The following ST6GALNAC3 variants were observed in gnomAD, a reference collection of about 807,000 sequenced individuals.
The protein encoded by ST6GALNAC3 is ST6 N-acetylgalactosaminide alpha-2,6-sialyltransferase 3, also known as alpha-N-acetylgalactosaminide alpha-2,6-sialyltransferase 3.
A neutral mutation model predicts 32.7 loss-of-function variants in ST6GALNAC3; 25 were observed. The observed-to-expected ratio is 0.76, with a 90% CI of 0.56 to 1.07. ST6GALNAC3 has a LOEUF of 1.07. Ranked by LOEUF, ST6GALNAC3 falls within the 50% of genes least tolerant of loss-of-function variation. The probability of loss-of-function intolerance (pLI) is 0.00; values close to 1 mark genes in which losing one functional copy is unlikely to be tolerated. For missense variants in ST6GALNAC3, 355 were observed against 382.4 expected (o/e 0.93, Z 0.60); for synonymous variants, 129 against 133.1 (o/e 0.97, Z 0.21).
intron 2 of ST6GALNAC3, among the ~76,000 whole-genome samples, chr1:76,326,836 T>C (rs907941294): frequency 1.3e-5 from 2 of 151,142 alleles, no homozygotes; most frequent in Non-Finnish European, 3.0e-5. Context: ...GTTTTTTTTT[T>C]TTTTTTTGCA....
intron 3 of ST6GALNAC3, among the ~76,000 whole-genome samples, chr1:76,605,374 G>T (rs1336399292): frequency 6.6e-6 from 1 of 152,102 alleles, no homozygotes; most frequent in Non-Finnish European, 1.5e-5. Flanking sequence ...ATAAGGGCCA[G>T]TACTGTCATA....
At chr1:76,382,123 G>A (rs192434107) in intron 2 of ST6GALNAC3, among the ~76,000 whole-genome samples, 1 of 152,238 alleles carries the variant, frequency 6.6e-6, no homozygotes, top group African/African-American at 2.4e-5. Context: ...AGTGGATCAA[G>A]ATAACCTGTG....
intron 3 of ST6GALNAC3, among the ~76,000 whole-genome samples, chr1:76,440,737 T>A (rs1368636312): frequency 6.6e-6 from 1 of 152,120 alleles, no homozygotes; most frequent in Non-Finnish European, 1.5e-5. Context: ...TGGCAATAAT[T>A]GGGCAAAGAA....
chr1:76,383,168 T>C (rs952519341), intron 2 of ST6GALNAC3, among the ~76,000 whole-genome samples: 2 of 152,116 alleles, frequency 1.3e-5, no homozygotes, highest in African/African-American at 4.8e-5. Context: ...CTATATCAAG[T>C]GAAAATATCT....
At chr1:76,499,117 C>T (rs988330633) in intron 3 of ST6GALNAC3, among the ~76,000 whole-genome samples, 1 of 152,008 alleles carries the variant, frequency 6.6e-6, no homozygotes, top group Admixed American at 6.6e-5. Context: ...TAGTCAATGA[C>T]CATGAAAAGA....
At chr1:76,229,026 C>G (rs890481649) in intron 1 of ST6GALNAC3, among the ~76,000 whole-genome samples, 1 of 152,072 alleles carries the variant, frequency 6.6e-6, no homozygotes, top group Non-Finnish European at 1.5e-5. Context: ...CTCATGGGCC[C>G]GCTCTGGTTT....
chr1:76,450,841 T>TACATC (rs1657342351), intron 3 of ST6GALNAC3, among the ~76,000 whole-genome samples: 1 of 152,226 alleles, frequency 6.6e-6, no homozygotes, highest in East Asian at 1.9e-4. Flanking sequence ...GTTTGCTTTG[T>TACATC]CAAAGATCAG....
intron 2 of ST6GALNAC3, among the ~76,000 whole-genome samples, chr1:76,326,778 A>T (rs1647078597): frequency 6.9e-6 from 1 of 144,110 alleles, no homozygotes; most frequent in African/African-American, 2.5e-5. Context: ...GTTTTCCTGC[A>T]TTTGGTTGCT....
intron 3 of ST6GALNAC3, among the ~76,000 whole-genome samples, chr1:76,516,376 C>T (rs544923172): frequency 6.6e-6 from 1 of 151,958 alleles, no homozygotes; most frequent in East Asian, 1.9e-4. Flanking sequence ...TTCCTGTTTG[C>T]TTTTGTTTGG....
intron 3 of ST6GALNAC3, among the ~76,000 whole-genome samples, chr1:76,484,752 A>G (rs1659983661): frequency 6.6e-6 from 1 of 152,088 alleles, no homozygotes; most frequent in Non-Finnish European, 1.5e-5. Context: ...AGAACTTCCA[A>G]CACTATACTG....
intron 2 of ST6GALNAC3, 59 bp from the exon 3 acceptor site, chr1:76,411,949 G>A (rs1557864546): frequency 3.9e-6 from 6 of 1,549,274 alleles, no homozygotes; most frequent in East Asian, 4.5e-5. Context: ...TTTCCCATAG[G>A]AACTTGTTTG....
intron 1 of ST6GALNAC3, among the ~76,000 whole-genome samples, chr1:76,131,809 G>C (rs1649628229): frequency 6.6e-6 from 1 of 152,160 alleles, no homozygotes; most frequent in African/African-American, 2.4e-5. Context: ...AAGAGGAGGA[G>C]TGTATTTGGC....
chr1:76,268,006 G>A (rs1431343777), intron 1 of ST6GALNAC3, among the ~76,000 whole-genome samples: 1 of 152,176 alleles, frequency 6.6e-6, no homozygotes. Flanking sequence ...TGATTTGTCT[G>A]GAAAGAGTCC....
At chr1:76,146,324 T>C (rs887254349) in intron 1 of ST6GALNAC3, among the ~76,000 whole-genome samples, 3 of 152,130 alleles carry the variant, frequency 2.0e-5, no homozygotes, top group Non-Finnish European at 4.4e-5. Context: ...AAAAGGAAGA[T>C]TATCCCTTTT....
At chr1:76,265,020 T>C (rs771057999) in intron 1 of ST6GALNAC3, among the ~76,000 whole-genome samples, 10 of 152,066 alleles carry the variant, frequency 6.6e-5, no homozygotes, top group Non-Finnish European at 1.3e-4. Context: ...TTCCTGATTA[T>C]ATGAAGCAAG....
At chr1:76,393,924 G>A (rs572863508) in intron 2 of ST6GALNAC3, among the ~76,000 whole-genome samples, 1 of 152,138 alleles carries the variant, frequency 6.6e-6, no homozygotes, top group South Asian at 2.1e-4. Flanking sequence ...GAGAAACAAA[G>A]AGTCTAGGGT....
chr1:76,467,316 T>C (rs376693332), intron 3 of ST6GALNAC3, among the ~76,000 whole-genome samples: 1 of 151,912 alleles, frequency 6.6e-6, no homozygotes, highest in Admixed American at 6.6e-5. Context: ...GTGGCGTAAG[T>C]AGGCTTTTTG....
rs552503376 is a variant in ST6GALNAC3 at position 76,264,517 on chromosome 1, A to G, written c.19-49288A>G. ...ATAAAAATAATAATTTGCACTTCAA[A>G]TGTCTCTTTCTGTGAGGTGCTCGGC... is the stretch of plus-strand genomic sequence containing the variant. On this transcript the variant is annotated intron_variant, in intron 1 of 4. Coordinates refer to ENST00000328299, the MANE Select transcript of ST6GALNAC3 (RefSeq NM_152996.4). Among the ~76,000 whole-genome samples, 8 of 152,250 alleles carry G rather than the reference A, an allele frequency of 5.3e-5. No individual in the cohort carries two copies. In the South Asian group the frequency reaches 1.5e-3, roughly 28 times the overall value.
In ST6GALNAC3 at chr1:76,559,752, G is replaced by A. The variant is rs769770207; in HGVS notation, c.624-67700G>A. On this transcript the variant is annotated intron_variant, in intron 3 of 4. Transcript: ENST00000328299. ...TGGTTTTAACTTCATATCAATGCAA[G>A]AGGCACTGAAGAGGCAGGAAAAACA... Among the ~76,000 whole-genome samples the A allele has an allele frequency of 2.9e-4, 44 of 152,158 alleles. 1 individual carries two copies. Among genetic ancestry groups the A allele is most frequent in the Admixed American group, 1.3e-4 (2 of 15,276 alleles).
Sources: allele counts gnomAD v4.1 joint callset (sites outside exome capture counted in the v4.1 genomes callset), GRCh38; gene constraint gnomAD v4.1.1; transcripts MANE v1.5; gene names NCBI Gene and HGNC (gene_info 2026-07-23, HGNC 2026-07-21).